FUNDC1: variants seen among roughly 807,000 people sequenced by gnomAD.
The protein encoded by FUNDC1 is FUN14 domain containing 1, also known as FUN14 domain-containing protein 1.
In FUNDC1, 10 loss-of-function variants were observed where a neutral mutation model predicts 14.5. The ratio of observed to expected loss-of-function variants is 0.69; its 90% CI spans 0.43 to 1.17. FUNDC1 has a LOEUF of 1.17. FUNDC1 is among the 50% of genes most tolerant of loss of function. The probability of loss-of-function intolerance (pLI) is 0.00; values close to 1 mark genes in which losing one functional copy is unlikely to be tolerated. For missense variants in FUNDC1, 115 were observed against 113.8 expected (o/e 1.01, Z -0.05); for synonymous variants, 33 against 39.7 (o/e 0.83, Z 0.64).
intron 3 of FUNDC1, among the ~76,000 whole-genome samples, chrX:44,534,410 A>T (rs1280713786): frequency 9.0e-6 from 1 of 111,214 alleles, no homozygotes; most frequent in Non-Finnish European, 1.9e-5. Flanking sequence ...TATAACTGGA[A>T]CTACAGAAAA....
intron 2 of FUNDC1, among the ~76,000 whole-genome samples, chrX:44,540,805 C>T (rs1409457700): frequency 8.9e-6 from 1 of 112,112 alleles, no homozygotes; most frequent in Non-Finnish European, 1.9e-5. Context: ...CAGAGCCATA[C>T]CCTGAATTAC....
intron 2 of FUNDC1, among the ~76,000 whole-genome samples, chrX:44,538,842 C>T (rs1265615117): frequency 9.0e-6 from 1 of 111,364 alleles, no homozygotes; most frequent in Non-Finnish European, 1.9e-5. Flanking sequence ...CATTATATTC[C>T]TCCTACATTT....
At chrX:44,526,960 A>G (rs1439920868) in intron 4 of FUNDC1, among the ~76,000 whole-genome samples, 1 of 110,264 alleles carries the variant, frequency 9.1e-6, no homozygotes, top group Non-Finnish European at 1.9e-5. Flanking sequence ...AAGGCAGAGG[A>G]AATATGTTGA....
intron 3 of FUNDC1, among the ~76,000 whole-genome samples, chrX:44,535,726 C>T (rs1414614672): frequency 9.3e-6 from 1 of 107,682 alleles, no homozygotes; most frequent in Non-Finnish European, 1.9e-5. Flanking sequence ...TGGCTCACGC[C>T]TGTAATCCCA....
At chrX:44,542,555 T>A (rs2038976653) in intron 1 of FUNDC1, among the ~76,000 whole-genome samples, 1 of 106,552 alleles carries the variant, frequency 9.4e-6, no homozygotes, top group Admixed American at 1.0e-4. Context: ...AGATGGGAGA[T>A]GAAGGGCCGG....
At chrX:44,528,342 T>C (rs2038910016) in intron 3 of FUNDC1, among the ~76,000 whole-genome samples, 2 of 112,164 alleles carry the variant, frequency 1.8e-5, no homozygotes, top group Non-Finnish European at 3.8e-5. Context: ...GAAGAATTTG[T>C]TTATCTGCAT....
chrX:44,530,368 G>A (rs2038917488), intron 3 of FUNDC1, among the ~76,000 whole-genome samples: 1 of 111,978 alleles, frequency 8.9e-6, no homozygotes, highest in South Asian at 3.7e-4. Context: ...CACTTTGGGA[G>A]GCCGAGGCAG....
chrX:44,531,946 G>T (rs748951761), intron 3 of FUNDC1, among the ~76,000 whole-genome samples: 2 of 111,549 alleles, frequency 1.8e-5, no homozygotes, highest in Non-Finnish European at 3.8e-5. Flanking sequence ...ATATCCATGA[G>T]TCCATATTGA....
chrX:44,531,808 G>A (rs766986698), intron 3 of FUNDC1, among the ~76,000 whole-genome samples: 18 of 96,863 alleles, frequency 1.9e-4, no homozygotes, highest in African/African-American at 7.6e-4. Context: ...ACACACAGAA[G>A]CTTGATCATT....
intron 3 of FUNDC1, among the ~76,000 whole-genome samples, chrX:44,530,322 C>T (rs1442697557): frequency 9.0e-6 from 1 of 111,710 alleles, no homozygotes; most frequent in African/African-American, 3.3e-5. Context: ...AAAATAATTC[C>T]AGGCCGGGCT....
chrX:44,539,151 T>A (rs886427215), intron 2 of FUNDC1, among the ~76,000 whole-genome samples: 1 of 111,961 alleles, frequency 8.9e-6, no homozygotes, highest in African/African-American at 3.2e-5. Context: ...TTATATTAAA[T>A]GTTTTTTGTG....
intron 2 of FUNDC1, among the ~76,000 whole-genome samples, 176 bp from the exon 3 acceptor site, chrX:44,538,718 T>C (rs748262311): frequency 9.0e-6 from 1 of 111,485 alleles, no homozygotes; most frequent in Admixed American, 9.7e-5. Context: ...TAGTCAAAAA[T>C]GCACAATCTA....
chrX:44,528,402 A>G (rs770697619), intron 3 of FUNDC1, among the ~76,000 whole-genome samples: 14 of 112,297 alleles, frequency 1.2e-4, no homozygotes, highest in Non-Finnish European at 2.4e-4. Flanking sequence ...CAGCCTCAGC[A>G]AAACAGTGGT....
chrX:44,535,877 T>C (rs188925272), intron 3 of FUNDC1, among the ~76,000 whole-genome samples: 2 of 104,491 alleles, frequency 1.9e-5, no homozygotes, highest in East Asian at 3.0e-4. Context: ...TCCCAGCTAC[T>C]TCGGAGGCTG....
intron 3 of FUNDC1, among the ~76,000 whole-genome samples, chrX:44,538,229 C>CT (rs1193316712): frequency 1.1e-4 from 12 of 112,570 alleles, no homozygotes; most frequent in African/African-American, 3.2e-4. Flanking sequence ...AGGGATCTGC[C>CT]TGCCTCTGCC....
chrX:44,531,843 GACAATGCACA>G (rs763181947), intron 3 of FUNDC1, among the ~76,000 whole-genome samples: 35 of 108,208 alleles, frequency 3.2e-4, no homozygotes, highest in Non-Finnish European at 6.1e-4. Flanking sequence ...GCTTAAAAAA[GACAATGCACA>G]ACTGAAAGAG....
chrX:44,523,959 G>A lies in FUNDC1; in HGVS notation c.*239C>T. 1 of 305,202 alleles carries A rather than the reference G, an allele frequency of 3.3e-6. No homozygotes were observed. Among genetic ancestry groups the A allele is most frequent in the Non-Finnish European group, 5.8e-6 (1 of 173,722 alleles). The allele number at this position is 305,202 out of a possible 1,213,427, so 25.2% of individuals were successfully genotyped here. A position where few individuals can be genotyped will look rare whatever the true frequency, so the allele number is the denominator to read the frequency against. On this transcript the variant is annotated 3_prime_UTR_variant, in exon 5 of 5. Coordinates refer to ENST00000378045, the MANE Select transcript of FUNDC1 (RefSeq NM_173794.4). Reference sequence around the variant, plus strand: ...AAACAGATGCAAATTTTTACAAAGCGATGAAAGCCACGTTTTGCTCAGGAA... The same window carrying A: ...AAACAGATGCAAATTTTTACAAAGCAATGAAAGCCACGTTTTGCTCAGGAA...
At chrX:44,530,562 C>T (rs919391454) in intron 3 of FUNDC1, among the ~76,000 whole-genome samples, 4 of 110,301 alleles carry the variant, frequency 3.6e-5, no homozygotes, top group South Asian at 3.9e-4. Context: ...GCCGATATCA[C>T]GCCACTGCAC....
chrX:44,524,886 T>C (rs781653990), intron 4 of FUNDC1, among the ~76,000 whole-genome samples: 4 of 111,401 alleles, frequency 3.6e-5, no homozygotes, highest in Non-Finnish European at 7.5e-5. Context: ...AAGGTAGAGA[T>C]GAATGGCCCA....
Sources: gnomAD v4.1 joint callset for allele counts (sites outside exome capture counted in the v4.1 genomes callset) on GRCh38, gnomAD v4.1.1 for gene constraint, MANE v1.5 for transcripts, NCBI Gene and HGNC (gene_info 2026-07-23, HGNC 2026-07-21) for gene names.